The following EPHB1 variants were observed in gnomAD, a reference collection of about 807,000 sequenced individuals.
The protein encoded by EPHB1 is EPH receptor B1.
Under a neutral mutation model 94.4 loss-of-function variants are expected in EPHB1, and 30 were observed. The observed-to-expected ratio is 0.32, with a 90% CI of 0.24 to 0.43. The LOEUF is 0.43. Among genes scored for constraint, EPHB1 ranks in the 20% least tolerant of loss-of-function variants. The pLI, the probability that EPHB1 is intolerant of heterozygous loss-of-function variation, is 1.00. For missense variants in EPHB1, 1,055 were observed against 1,308.3 expected (o/e 0.81, Z 2.99); for synonymous variants, 522 against 489.1 (o/e 1.07, Z -0.89).
At chr3:135,123,962 C>A (rs1003037006) in intron 4 of EPHB1, among the ~76,000 whole-genome samples, 3 of 151,560 alleles carry the variant, frequency 2.0e-5, no homozygotes, top group African/African-American at 7.3e-5. Context: ...TCTAAGCATG[C>A]CATTTCTCTG....
chr3:134,833,182 T>G (rs1239005758), intron 1 of EPHB1, among the ~76,000 whole-genome samples: 1 of 152,150 alleles, frequency 6.6e-6, no homozygotes, highest in Non-Finnish European at 1.5e-5. Flanking sequence ...CCCATGGGAC[T>G]CTCAGCGCCC....
intron 5 of EPHB1, among the ~76,000 whole-genome samples, chr3:135,145,847 A>T (rs1940992936): frequency 1.3e-5 from 2 of 152,148 alleles, no homozygotes; most frequent in Non-Finnish European, 2.9e-5. Flanking sequence ...TTTCCACCTC[A>T]TGCTCCTTCA....
chr3:135,177,800 T>C (rs922258910), intron 9 of EPHB1, among the ~76,000 whole-genome samples: 2 of 152,176 alleles, frequency 1.3e-5, no homozygotes, highest in Non-Finnish European at 2.9e-5. Flanking sequence ...CTCTATATGC[T>C]TCCAATCTGG....
chr3:135,120,300 AC>A (rs1451068863), intron 4 of EPHB1, among the ~76,000 whole-genome samples: 1 of 152,220 alleles, frequency 6.6e-6, no homozygotes, highest in African/African-American at 2.4e-5. Context: ...AGTCATCTTC[AC>A]AGAGGTCTTG....
intron 3 of EPHB1, among the ~76,000 whole-genome samples, chr3:135,054,362 G>C (rs1227252015): frequency 3.3e-5 from 5 of 152,072 alleles, no homozygotes; most frequent in African/African-American, 1.2e-4. Context: ...ACTTGCATGA[G>C]CCAATTCTTT....
Position 135,259,757 on chromosome 3 carries a change from G to A in EPHB1, c.*637G>A, listed in dbSNP as rs571103625. ...AGATGTACCTTCAATTGAAAACCTC[G>A]TTTTTCTTTTGTTTGCATTTTCTGC... On this transcript the variant is annotated 3_prime_UTR_variant, in exon 16 of 16. Coordinates refer to ENST00000398015, the MANE Select transcript of EPHB1 (RefSeq NM_004441.5). 17 of 211,538 alleles carry A rather than the reference G, an allele frequency of 8.0e-5. No homozygotes were observed. The East Asian group carries it at 8.5e-4, about 11-fold the overall frequency. The allele number at this position is 211,538 out of a possible 1,614,324, so 13.1% of individuals were successfully genotyped here.
At chr3:134,966,245 A>G (rs1329215847) in intron 3 of EPHB1, among the ~76,000 whole-genome samples, 2 of 152,226 alleles carry the variant, frequency 1.3e-5, no homozygotes, top group Non-Finnish European at 2.9e-5. Context: ...GAGAGACACA[A>G]CAGAGAGGCC....
At chr3:134,983,990 G>C (rs1934506561) in intron 3 of EPHB1, among the ~76,000 whole-genome samples, 1 of 152,216 alleles carries the variant, frequency 6.6e-6, no homozygotes, top group African/African-American at 2.4e-5. Context: ...TCAAGGGTTA[G>C]GTGAATGTGG....
At chr3:135,089,251 G>A (rs1241797914) in intron 3 of EPHB1, among the ~76,000 whole-genome samples, 1 of 152,226 alleles carries the variant, frequency 6.6e-6, no homozygotes, top group Non-Finnish European at 1.5e-5. Context: ...ATTCCCAGGT[G>A]TACCACCAGC....
chr3:134,932,312 C>T (rs530946933), intron 2 of EPHB1, among the ~76,000 whole-genome samples: 53 of 152,168 alleles, frequency 3.5e-4, no homozygotes, highest in Non-Finnish European at 7.2e-4. Context: ...GTCTAGGCCA[C>T]TTGGCAGCCC....
intron 6 of EPHB1, among the ~76,000 whole-genome samples, chr3:135,161,454 G>A (rs942094107): frequency 1.2e-4 from 18 of 152,186 alleles, no homozygotes; most frequent in African/African-American, 4.3e-4. Context: ...GTCCAGAATG[G>A]CCTCTACCTC....
intron 12 of EPHB1, among the ~76,000 whole-genome samples, chr3:135,217,916 A>G (rs1052708410): frequency 6.6e-6 from 1 of 152,174 alleles, no homozygotes; most frequent in Non-Finnish European, 1.5e-5. Context: ...TTCATCTGTC[A>G]GAACGGGCAA....
chr3:135,192,554 A>G, intron 10 of EPHB1, 22 bp from the exon 11 acceptor site: 1 of 1,611,158 alleles, frequency 6.2e-7, no homozygotes, highest in Non-Finnish European at 8.5e-7. Context: ...AGAGGATATT[A>G]ATGGCATTTT....
rs574576286 is a variant in EPHB1 at position 134,909,109 on chromosome 3, T to TGGGCGGG, written c.59-16704_59-16703insCGGGGGG. 2.8e-3 allele frequency among the ~76,000 whole-genome samples: 228 copies of TGGGCGGG among 82,490 alleles called. 2 individuals are homozygous for TGGGCGGG. Among genetic ancestry groups the TGGGCGGG allele is most frequent in the African/African-American group, 9.8e-3 (192 of 19,632 alleles). The allele number at this position is 82,490 out of a possible 152,430, so 54.1% of individuals were successfully genotyped here. A position where few individuals can be genotyped will look rare whatever the true frequency, so the allele number is the denominator to read the frequency against. ...CCATCAGAGAACAGTACACACAAGGTGGGGGCGGGGGGCGGGCTGGAAGAA... is the reference window on the plus strand; with the variant it reads ...CCATCAGAGAACAGTACACACAAGGTGGGCGGGGGGGGCGGGGGGCGGGCTGGAAGAA... On this transcript the variant is annotated intron_variant, in intron 1 of 15. Transcript: ENST00000398015.
chr3:135,146,710 C>T (rs1230918791), intron 5 of EPHB1, among the ~76,000 whole-genome samples: 2 of 152,230 alleles, frequency 1.3e-5, no homozygotes, highest in African/African-American at 2.4e-5. Context: ...TTGTATCTAT[C>T]ACATCCACCA....
chr3:134,902,836 A>G (rs1515362), intron 1 of EPHB1, among the ~76,000 whole-genome samples: 23 of 152,084 alleles, frequency 1.5e-4, no homozygotes, highest in Non-Finnish European at 3.2e-4. Flanking sequence ...GCTTTAAGGT[A>G]TCAGAGTGGT....
intron 12 of EPHB1, among the ~76,000 whole-genome samples, chr3:135,214,926 G>A (rs946261500): frequency 1.3e-5 from 2 of 152,162 alleles, no homozygotes; most frequent in Non-Finnish European, 2.9e-5. Context: ...TGCAGGGTTT[G>A]GATCACACTA....
intron 10 of EPHB1, among the ~76,000 whole-genome samples, chr3:135,189,592 A>G (rs1405550215): frequency 1.3e-5 from 2 of 152,254 alleles, no homozygotes; most frequent in Admixed American, 6.5e-5. Context: ...GCTTTTAAAT[A>G]TGTCAATGTG....
At position 134,834,919 on chromosome 3, in the gene EPHB1, G is replaced by A. The variant is rs2036645383; in HGVS notation, c.58+39230G>A. Among the ~76,000 whole-genome samples the A allele has an allele frequency of 3.9e-5, 6 of 152,304 alleles. No individual in the cohort carries two copies. The South Asian group carries it at 1.2e-3, about 32-fold the overall frequency. ...AGCATTTTGATTTAAAGTTCAATGG[G>A]TAGTATTTATCTTTATTTCTGTCAC... is the stretch of plus-strand genomic sequence containing the variant. On this transcript the variant is annotated intron_variant, in intron 1 of 15. Transcript: ENST00000398015.
Sources: allele counts gnomAD v4.1 joint callset (sites outside exome capture counted in the v4.1 genomes callset), GRCh38; gene constraint gnomAD v4.1.1; transcripts MANE v1.5; gene names NCBI Gene and HGNC (gene_info 2026-07-23, HGNC 2026-07-21).